Variants in POMP observed in about 807,000 individuals in gnomAD.
POMP encodes 2510048O06Rik.
In POMP, 12 loss-of-function variants were observed where a neutral mutation model predicts 20.6. The observed-to-expected ratio is 0.58, with a 90% CI of 0.37 to 0.94. POMP has a LOEUF of 0.94. Among genes scored for constraint, POMP ranks in the 40% least tolerant of loss-of-function variants. POMP has a pLI of 0.01. For missense variants in POMP, 136 were observed against 161.1 expected, an observed-to-expected ratio of 0.84 and a Z score of 0.84; for synonymous variants, 53 against 55.0, an observed-to-expected ratio of 0.96 and a Z score of 0.16.
intron 2 of POMP, among the ~76,000 whole-genome samples, chr13:28,662,815 A>G (rs1174153820): frequency 2.6e-5 from 4 of 152,154 alleles, no homozygotes; most frequent in African/African-American, 9.7e-5. Context: ...TGTCTTAACT[A>G]TTAGGGTAAT....
intron 2 of POMP, among the ~76,000 whole-genome samples, chr13:28,663,585 C>T (rs1884387247): frequency 6.6e-6 from 1 of 152,204 alleles, no homozygotes; most frequent in African/African-American, 2.4e-5. Context: ...GCTGGGATTA[C>T]AGGTGTGAGC....
At chr13:28,660,335 TTTTCAC>T (rs1283499745) in intron 1 of POMP, among the ~76,000 whole-genome samples, 1 of 152,200 alleles carries the variant, frequency 6.6e-6, no homozygotes, top group African/African-American at 2.4e-5. Context: ...GCCATTCTGT[TTTTCAC>T]TTTCAGTACA....
rs768763442 is a variant in POMP, at chr13:28,678,106, TG to T, written c.*5del. ...ATATAAACTTGGTTTACTGTAATAG[TG>T]TGCTGTTCATGGAAACCGAGGGCTG... is the stretch of plus-strand genomic sequence containing the variant. On this transcript the variant is annotated 3_prime_UTR_variant, in exon 6 of 6. Transcript: ENST00000380842. 96 of 1,612,788 alleles carry T rather than the reference TG, an allele frequency of 6.0e-5. No homozygotes were observed. The highest frequency in any genetic ancestry group is 7.7e-5 in the Non-Finnish European group (91 of 1,178,894).
intron 5 of POMP, among the ~76,000 whole-genome samples, chr13:28,673,232 G>A (rs138380318): frequency 0.025 from 3,869 of 151,832 alleles, 158 homozygotes; most frequent in African/African-American, 0.089. Context: ...CACCACACCC[G>A]GCTAATTTTT....
chr13:28,670,065 G>T (rs993634321), intron 4 of POMP, among the ~76,000 whole-genome samples: 1 of 152,100 alleles, frequency 6.6e-6, no homozygotes, highest in Admixed American at 6.6e-5. Context: ...AGCCGAGATC[G>T]TGCCACTACA....
At chr13:28,667,606 A>G (rs1466487471) in intron 3 of POMP, among the ~76,000 whole-genome samples, 1 of 152,170 alleles carries the variant, frequency 6.6e-6, no homozygotes, top group Non-Finnish European at 1.5e-5. Flanking sequence ...GTAGGTGCTA[A>G]TCTCTCAATA....
Position 28,675,023 on chromosome 13 carries a change from A to G in POMP, c.358+2591A>G, listed in dbSNP as rs576179404. Among the ~76,000 whole-genome samples the G allele has an allele frequency of 7.9e-5, 12 of 152,232 alleles. No homozygotes were observed. In the East Asian group the frequency reaches 1.7e-3, roughly 22 times the overall value. On this transcript the variant is annotated intron_variant, in intron 5 of 5. Transcript: ENST00000380842. ...CAGTGTACTCCAGCCTGGGCGACAGAGTGAAACCCTATCTCAAAAAATAAA... is the reference window on the plus strand; with the variant it reads ...CAGTGTACTCCAGCCTGGGCGACAGGGTGAAACCCTATCTCAAAAAATAAA...
chr13:28,668,691 T>C (rs1566108538), intron 4 of POMP, 117 bp downstream of exon 4: 4 of 805,106 alleles, frequency 5.0e-6, no homozygotes, highest in Non-Finnish European at 6.3e-6. Flanking sequence ...TCCCTCCCCC[T>C]TTTTAGGGTA....
chr13:28,672,248 C>A, intron 4 of POMP, 91 bp from the exon 5 acceptor site: 2 of 1,093,946 alleles, frequency 1.8e-6, no homozygotes, highest in Non-Finnish European at 1.4e-6. Flanking sequence ...AATTTTCAAA[C>A]AAAGAATAAA....
chr13:28,673,889 A>T (rs1884589757), intron 5 of POMP, among the ~76,000 whole-genome samples: 1 of 152,202 alleles, frequency 6.6e-6, no homozygotes, highest in African/African-American at 2.4e-5. Context: ...CAAAACAAAT[A>T]TCTGTGCTTT....
intron 5 of POMP, 95 bp from the exon 6 acceptor site, chr13:28,677,940 A>G (rs1884656376): frequency 7.9e-7 from 1 of 1,270,110 alleles, no homozygotes. Context: ...ACTTTAGGTT[A>G]GTTTTGACTC....
chr13:28,668,662 C>A, intron 4 of POMP, 88 bp downstream of exon 4: 2 of 1,007,654 alleles, frequency 2.0e-6, no homozygotes, highest in African/African-American at 1.6e-5. Flanking sequence ...ACCTTATCTA[C>A]CTTACAACCT....
chr13:28,678,934 AT>A lies in POMP; in HGVS notation c.*834del, dbSNP rs1884677884. On this transcript the variant is annotated 3_prime_UTR_variant, in exon 6 of 6. Transcript: ENST00000380842. ...TATCAGTTTCTTAGGAACATCTTTGATTAGATAAATTACTGATTTGAAACAT... is the reference window on the plus strand; with the variant it reads ...TATCAGTTTCTTAGGAACATCTTTGATAGATAAATTACTGATTTGAAACAT... The A allele has an allele frequency of 6.6e-6, 1 of 152,198 alleles. No homozygotes were observed. The highest frequency in any genetic ancestry group is 2.1e-4 in the South Asian group (1 of 4,832). The allele number at this position is 152,198 out of a possible 1,614,324, so 9.4% of individuals were successfully genotyped here.
At chr13:28,668,629 C>T in intron 4 of POMP, 55 bp downstream of exon 4, 1 of 1,354,342 alleles carries the variant, frequency 7.4e-7, no homozygotes, top group South Asian at 1.2e-5. Context: ...GAGGAATCTT[C>T]TGTTTTCATA....
intron 1 of POMP, among the ~76,000 whole-genome samples, chr13:28,662,045 T>G (rs962238665): frequency 2.6e-5 from 4 of 152,236 alleles, no homozygotes; most frequent in Admixed American, 6.5e-5. Flanking sequence ...CTTTTGTATT[T>G]CATCAGCCTT....
intron 4 of POMP, among the ~76,000 whole-genome samples, chr13:28,668,886 A>G (rs142438720): frequency 1.5e-3 from 222 of 152,252 alleles, no homozygotes; most frequent in African/African-American, 4.9e-3. Context: ...CAAGTATACA[A>G]TTTGTATATA....
At chr13:28,659,400 T>G (rs1444667389) in intron 1 of POMP, among the ~76,000 whole-genome samples, 1 of 152,176 alleles carries the variant, frequency 6.6e-6, no homozygotes. Flanking sequence ...TAGCAGTGCT[T>G]CGGCTTCATC....
At chr13:28,666,520 T>G (rs1481509836) in intron 3 of POMP, among the ~76,000 whole-genome samples, 1 of 150,848 alleles carries the variant, frequency 6.6e-6, no homozygotes, top group African/African-American at 2.5e-5. Flanking sequence ...ATCTACTGCA[T>G]CTCTTCTTCT....
At chr13:28,671,560 C>G (rs1884545875) in intron 4 of POMP, among the ~76,000 whole-genome samples, 1 of 151,270 alleles carries the variant, frequency 6.6e-6, no homozygotes, top group South Asian at 2.1e-4. Context: ...GTACTCTGAT[C>G]TAACTACCAG....
Sources: allele counts gnomAD v4.1 joint callset (sites outside exome capture counted in the v4.1 genomes callset), GRCh38; gene constraint gnomAD v4.1.1; transcripts MANE v1.5; gene names NCBI Gene and HGNC (gene_info 2026-07-23, HGNC 2026-07-21).